Variants in SNX9 observed in about 807,000 individuals in gnomAD.
The protein encoded by SNX9 is sorting nexin-9.
A neutral mutation model predicts 89.4 loss-of-function variants in SNX9; 44 were observed. That is an observed-to-expected ratio of 0.49 (90% CI 0.39 to 0.63). SNX9 has a LOEUF of 0.63. Among genes scored for constraint, SNX9 ranks in the 30% least tolerant of loss-of-function variants. The pLI is 0.00. For missense variants in SNX9, 578 were observed against 736.1 expected, an observed-to-expected ratio of 0.79 and a Z score of 2.49; for synonymous variants, 236 against 247.8, an observed-to-expected ratio of 0.95 and a Z score of 0.45.
Position 157,875,100 on chromosome 6 carries a change from C to T in SNX9, c.224C>T (p.Ala75Val). Reference sequence around the variant, plus strand: ...CAATTTTCTTGTGGAAATTCAGTGGCTGACCAAGCCTTCCTTGATTCTCTC... The same window carrying T: ...CAATTTTCTTGTGGAAATTCAGTGGTTGACCAAGCCTTCCTTGATTCTCTC... ...KDQFSCGNSV[A>V]DQAFLDSLSA... Residue 75 changes from alanine to valine, a missense_variant, in exon 4 of 18, where the codon GCT becomes GTT. By Grantham distance (64) the Ala-to-Val change is moderately conservative (BLOSUM62 0). Transcript: ENST00000392185. 1 of 1,614,022 alleles carries T rather than the reference C, an allele frequency of 6.2e-7. No individual in the cohort carries two copies. The highest frequency in any genetic ancestry group is 1.1e-5 in the South Asian group (1 of 91,012).
Position 157,826,832 on chromosome 6 carries a change from A to T in SNX9, c.12+3386A>T, listed in dbSNP as rs867863715. On this transcript the variant is annotated intron_variant, in intron 1 of 17. Transcript: ENST00000392185. Reference sequence around the variant, plus strand: ...TATATATAAATATATATTATATTTTATATATATATTATATTTTATATATAA... The same window carrying T: ...TATATATAAATATATATTATATTTTTTATATATATTATATTTTATATATAA... Among the ~76,000 whole-genome samples, 394 of 115,078 alleles carry T rather than the reference A, an allele frequency of 3.4e-3. 87 individuals are homozygous for T. Among genetic ancestry groups the T allele is most frequent in the African/African-American group, 0.017 (369 of 21,880 alleles). 75.5% of individuals were successfully genotyped at this position (115,078 alleles called of 152,430 possible).
In SNX9 at chr6:157,894,465, T is replaced by TAAAAA. The variant is rs1173887333; in HGVS notation, c.301-2345_301-2341dup. 4.7e-3 allele frequency among the ~76,000 whole-genome samples: 477 copies of TAAAAA among 100,676 alleles called. 2 individuals carry two copies. Among genetic ancestry groups the TAAAAA allele is most frequent in the African/African-American group, 0.017 (427 of 25,864 alleles). 66.0% of individuals were successfully genotyped at this position (100,676 alleles called of 152,430 possible). A position where few individuals can be genotyped will look rare whatever the true frequency, so the allele number is the denominator to read the frequency against. On this transcript the variant is annotated intron_variant, in intron 4 of 17. Transcript: ENST00000392185. ...CCAGACAGATACAAGATTTAAATGTTAAAAAAAAAAAAAAAAAAAAAGCTA... is the reference window on the plus strand; with the variant it reads ...CCAGACAGATACAAGATTTAAATGTTAAAAAAAAAAAAAAAAAAAAAAAAAAGCTA...
At chr6:157,910,177 C>T in intron 9 of SNX9, 152 bp downstream of exon 9, 1 of 657,568 alleles carries the variant, frequency 1.5e-6, no homozygotes, top group Non-Finnish European at 2.7e-6. Flanking sequence ...GAAGAGAGAA[C>T]CATTGCATGT....
intron 9 of SNX9, among the ~76,000 whole-genome samples, chr6:157,911,606 A>G (rs554007338): frequency 6.6e-6 from 1 of 152,326 alleles, no homozygotes; most frequent in South Asian, 2.1e-4. Flanking sequence ...AAATCCACAG[A>G]CATTAAACAG....
At position 157,944,830 on chromosome 6, in the gene SNX9, G is replaced by C. The variant is rs189676575; in HGVS notation, c.*1992G>C. 3 of 152,248 alleles carry C rather than the reference G, an allele frequency of 2.0e-5. No homozygotes were observed. Among genetic ancestry groups the C allele is most frequent in the Admixed American group, 1.3e-4 (2 of 15,284 alleles). 9.4% of individuals were successfully genotyped at this position (152,248 alleles called of 1,614,324 possible). A position where few individuals can be genotyped will look rare whatever the true frequency, so the allele number is the denominator to read the frequency against. Reference sequence around the variant, plus strand: ...ATGGAGATGGCACGGGCTCCTCAGAGCGTGGTAGCCGACTGTGAGGAAAAG... The same window carrying C: ...ATGGAGATGGCACGGGCTCCTCAGACCGTGGTAGCCGACTGTGAGGAAAAG... On this transcript the variant is annotated 3_prime_UTR_variant, in exon 18 of 18. Transcript: ENST00000392185.
chr6:157,920,681 T>G (rs189104987), intron 9 of SNX9, among the ~76,000 whole-genome samples: 1 of 152,330 alleles, frequency 6.6e-6, no homozygotes, highest in African/African-American at 2.4e-5. Flanking sequence ...AGCTTTATAG[T>G]TGCTTTTGAG....
intron 15 of SNX9, among the ~76,000 whole-genome samples, chr6:157,938,251 A>C (rs1783965812): frequency 6.6e-6 from 1 of 152,232 alleles, no homozygotes; most frequent in Non-Finnish European, 1.5e-5. Context: ...AAAAAGAGAG[A>C]GAGTGCCTGT....
chr6:157,885,942 C>T (rs745957730), intron 4 of SNX9, among the ~76,000 whole-genome samples: 13 of 152,174 alleles, frequency 8.5e-5, no homozygotes, highest in Non-Finnish European at 1.2e-4. Flanking sequence ...TGGTAGAAAG[C>T]CAAACGGAAA....
In SNX9 at chr6:157,875,150, T is replaced by C; in HGVS notation, c.274T>C (p.Ser92Pro). ...CTCAGCCAGCACAGCTCAGGCCAGT[T>C]CGTCGGCTGCCAGCAACAATCACCA... Reference protein sequence around the residue: ...SLSASTAQASSSAASNNHQVG... With the variant: ...SLSASTAQASPSAASNNHQVG... Residue 92 changes from serine (S) to proline (P), a missense_variant, in exon 4 of 18, where the codon TCG becomes CCG. Ser to Pro is a moderately conservative substitution (Grantham distance 74, BLOSUM62 -1). Around this residue, in one of 2 missense-constraint regions of SNX9, gnomAD observed 230 missense variants for 244.7 expected, o/e 0.94. Coordinates refer to ENST00000392185, the MANE Select transcript of SNX9 (RefSeq NM_016224.5). 1.9e-6 allele frequency: 3 copies of C among 1,609,708 alleles called. No homozygotes were observed. The highest frequency in any genetic ancestry group is 2.5e-6 in the Non-Finnish European group (3 of 1,177,742).
chr6:157,928,547 C>G, intron 11 of SNX9, 52 bp from the exon 12 acceptor site: 4 of 1,417,874 alleles, frequency 2.8e-6, no homozygotes, highest in African/African-American at 1.4e-5. Flanking sequence ...AGTATCCCCA[C>G]AGCAGTGCTG....
chr6:157,843,911 A>G (rs111387776), intron 1 of SNX9, among the ~76,000 whole-genome samples: 17,156 of 128,018 alleles, frequency 0.13, 1,746 homozygotes, highest in African/African-American at 0.31. Flanking sequence ...GTCTCACTCT[A>G]CCACCCAGGC....
chr6:157,911,792 G>T (rs983981761), intron 9 of SNX9, among the ~76,000 whole-genome samples: 2 of 152,122 alleles, frequency 1.3e-5, no homozygotes, highest in African/African-American at 4.8e-5. Flanking sequence ...ATTTTTCCCT[G>T]AAGTGTTTTG....
chr6:157,937,342 G>A (rs913171550), intron 14 of SNX9, 92 bp from the exon 15 acceptor site: 3 of 843,254 alleles, frequency 3.6e-6, no homozygotes, highest in Admixed American at 2.1e-5. Flanking sequence ...TGTAGCACAT[G>A]CAGGATTTAT....
At chr6:157,905,593 A>C (rs1288784074) in intron 6 of SNX9, among the ~76,000 whole-genome samples, 1 of 150,880 alleles carries the variant, frequency 6.6e-6, no homozygotes, top group Non-Finnish European at 1.5e-5. Flanking sequence ...TCTACTAAAG[A>C]GACTTGTTTT....
intron 1 of SNX9, among the ~76,000 whole-genome samples, chr6:157,839,810 AC>A (rs1781659102): frequency 6.6e-6 from 1 of 151,390 alleles, no homozygotes; most frequent in African/African-American, 2.4e-5. Flanking sequence ...CAGTTTAGTA[AC>A]TCTCTCCACC....
At chr6:157,902,216 A>AAAG (rs1239862021) in intron 6 of SNX9, among the ~76,000 whole-genome samples, 171 bp downstream of exon 6, 1 of 152,098 alleles carries the variant, frequency 6.6e-6, no homozygotes, top group East Asian at 1.9e-4. Context: ...CTTACTTAAA[A>AAAG]AAAAAAAAGG....
chr6:157,841,945 C>T (rs1266294411), intron 1 of SNX9, among the ~76,000 whole-genome samples: 1 of 152,170 alleles, frequency 6.6e-6, no homozygotes, highest in Non-Finnish European at 1.5e-5. Context: ...TCACCCACCT[C>T]CACAGTGATC....
intron 13 of SNX9, among the ~76,000 whole-genome samples, 160 bp downstream of exon 13, chr6:157,932,432 T>A (rs1488235762): frequency 6.6e-6 from 1 of 152,244 alleles, no homozygotes; most frequent in Non-Finnish European, 1.5e-5. Context: ...TGCACCCTCA[T>A]CCTAGGACTT....
intron 4 of SNX9, among the ~76,000 whole-genome samples, chr6:157,877,612 G>A (rs1368228199): frequency 6.6e-6 from 1 of 152,108 alleles, no homozygotes; most frequent in Non-Finnish European, 1.5e-5. Context: ...TCTGAATGCG[G>A]GTAGGAAGAT....
Sources: allele counts gnomAD v4.1 joint callset (sites outside exome capture counted in the v4.1 genomes callset), GRCh38; gene constraint gnomAD v4.1.1; regional missense constraint gnomAD v4.1.1; transcripts MANE v1.5; gene names NCBI Gene and HGNC (gene_info 2026-07-23, HGNC 2026-07-21).